Variants in DLG2 observed in about 807,000 individuals in gnomAD.
DLG2 encodes disks large homolog 2.
In DLG2, 45 loss-of-function variants were observed where a neutral mutation model predicts 132.5. The observed-to-expected ratio is 0.34, with a 90% confidence interval of 0.27 to 0.44. The LOEUF is 0.44. DLG2 is among the 20% of genes least tolerant of loss of function. The pLI is 1.00. For missense variants in DLG2, 1,045 were observed against 1,196.9 expected (o/e 0.87, Z 1.87); for synonymous variants, 424 against 419.6 (o/e 1.01, Z -0.13).
intron 5 of DLG2, among the ~76,000 whole-genome samples, chr11:85,113,784 C>G (rs978079478): frequency 6.6e-6 from 1 of 151,950 alleles, no homozygotes; most frequent in African/African-American, 2.4e-5. Context: ...AGAGCCAAAT[C>G]TACCCAAAGA....
intron 6 of DLG2, among the ~76,000 whole-genome samples, chr11:85,044,454 A>T (rs1419981673): frequency 6.6e-6 from 1 of 151,996 alleles, no homozygotes; most frequent in African/African-American, 2.4e-5. Context: ...TCATAATTAT[A>T]ATTGGCTCTC....
chr11:83,723,890 A>G (rs185181157), intron 18 of DLG2, among the ~76,000 whole-genome samples: 1 of 152,314 alleles, frequency 6.6e-6, no homozygotes, highest in East Asian at 1.9e-4. Context: ...AATAAAAAGC[A>G]TGAACCTCAG....
Position 83,902,795 on chromosome 11 carries a change from T to C in DLG2, c.1496+27533A>G, listed in dbSNP as rs79327665. Among the ~76,000 whole-genome samples the C allele has an allele frequency of 4.4e-4, 67 of 152,182 alleles. No individual in the cohort carries two copies. In the East Asian group the frequency reaches 0.011, roughly 25 times the overall value. Reference sequence around the variant, plus strand: ...AGATTCAGTTTCCTGCCCCTGAGGATAAAAAAGCAGGGTATGGGGAACTGG... The same window carrying C: ...AGATTCAGTTTCCTGCCCCTGAGGACAAAAAAGCAGGGTATGGGGAACTGG... On this transcript the variant is annotated intron_variant, in intron 15 of 27. Coordinates refer to ENST00000376104, the MANE Select transcript of DLG2 (RefSeq NM_001142699.3).
intron 22 of DLG2, among the ~76,000 whole-genome samples, chr11:83,482,045 G>A (rs2093157491): frequency 1.3e-5 from 2 of 151,940 alleles, no homozygotes; most frequent in Non-Finnish European, 2.9e-5. Context: ...AGATAATGCT[G>A]AAATCAATAT....
At chr11:84,972,312 T>C (rs1185279503) in intron 6 of DLG2, among the ~76,000 whole-genome samples, 1 of 151,404 alleles carries the variant, frequency 6.6e-6, no homozygotes, top group Non-Finnish European at 1.5e-5. Context: ...GTCTTTCCTA[T>C]AAAAAAAAAC....
At chr11:84,657,347 G>T (rs567064598) in intron 6 of DLG2, among the ~76,000 whole-genome samples, 1 of 152,254 alleles carries the variant, frequency 6.6e-6, no homozygotes, top group African/African-American at 2.4e-5. Context: ...CAGAAATGCT[G>T]TAAGGAGCCA....
intron 6 of DLG2, among the ~76,000 whole-genome samples, chr11:84,587,049 G>T (rs1345627695): frequency 2.0e-5 from 3 of 152,084 alleles, no homozygotes; most frequent in Admixed American, 2.0e-4. Context: ...ATATCTTATT[G>T]TTCACTGCTC....
chr11:83,962,321 G>C (rs776136274), intron 14 of DLG2, among the ~76,000 whole-genome samples: 1 of 152,030 alleles, frequency 6.6e-6, no homozygotes, highest in African/African-American at 2.4e-5. Context: ...GTAAGAACAT[G>C]GAGAAGGTAT....
intron 7 of DLG2, among the ~76,000 whole-genome samples, chr11:84,368,513 A>T (rs1319025590): frequency 1.3e-5 from 2 of 152,086 alleles, no homozygotes; most frequent in Non-Finnish European, 2.9e-5. Context: ...TTTAAAGCAA[A>T]TTGCTCATTC....
intron 4 of DLG2, among the ~76,000 whole-genome samples, chr11:85,261,270 A>G (rs564698716): frequency 6.6e-6 from 1 of 152,248 alleles, no homozygotes; most frequent in African/African-American, 2.4e-5. Context: ...ATTTGGGAAC[A>G]GAATGTTGTG....
intron 18 of DLG2, among the ~76,000 whole-genome samples, chr11:83,655,804 T>C (rs538826920): frequency 6.6e-6 from 1 of 152,220 alleles, no homozygotes; most frequent in Non-Finnish European, 1.5e-5. Context: ...CAAATTCATA[T>C]CCAAAAGGAC....
chr11:84,626,847 A>ACATTTTATTTTATTTATTTTATT (rs373094154), intron 6 of DLG2, among the ~76,000 whole-genome samples: 2 of 144,012 alleles, frequency 1.4e-5, no homozygotes, highest in African/African-American at 5.2e-5. Flanking sequence ...CATCAATTAC[A>ACATTTTATTTTATTTATTTTATT]TATTTTATTT....
chr11:84,486,034 TC>T (rs1164828057), intron 7 of DLG2, among the ~76,000 whole-genome samples: 1 of 152,124 alleles, frequency 6.6e-6, no homozygotes, highest in Non-Finnish European at 1.5e-5. Context: ...TTTCTGTGCT[TC>T]GATCTGGGAG....
At chr11:83,513,231 G>A (rs1389535892) in intron 21 of DLG2, among the ~76,000 whole-genome samples, 3 of 152,160 alleles carry the variant, frequency 2.0e-5, no homozygotes, top group Non-Finnish European at 4.4e-5. Flanking sequence ...ATTCTAACTG[G>A]TGTGAGATGG....
At chr11:83,956,781 G>A (rs537991868) in intron 14 of DLG2, among the ~76,000 whole-genome samples, 1 of 152,332 alleles carries the variant, frequency 6.6e-6, no homozygotes, top group South Asian at 2.1e-4. Flanking sequence ...ACTCTGATGA[G>A]GTGTTGTCTG....
chr11:84,106,765 A>G (rs1425823498), intron 9 of DLG2, among the ~76,000 whole-genome samples: 1 of 151,540 alleles, frequency 6.6e-6, no homozygotes, highest in Non-Finnish European at 1.5e-5. Flanking sequence ...AGACCAAAGA[A>G]CTCCTGAGAA....
At chr11:85,307,159 C>T (rs930028450) in intron 3 of DLG2, among the ~76,000 whole-genome samples, 3 of 152,204 alleles carry the variant, frequency 2.0e-5, no homozygotes, top group South Asian at 2.1e-4. Context: ...AAGGCATGTG[C>T]TCCACAAACA....
chr11:85,360,512 C>T (rs2084061891), intron 3 of DLG2, among the ~76,000 whole-genome samples: 1 of 152,162 alleles, frequency 6.6e-6, no homozygotes, highest in Non-Finnish European at 1.5e-5. Flanking sequence ...GTTCATCCTC[C>T]TCATAGCTGT....
chr11:83,644,373 T>C (rs2067499750), intron 18 of DLG2, among the ~76,000 whole-genome samples: 1 of 152,084 alleles, frequency 6.6e-6, no homozygotes, highest in Admixed American at 6.6e-5. Context: ...ACTAAAATAA[T>C]TTTCAATTTT....
Sources: allele counts gnomAD v4.1 joint callset (sites outside exome capture counted in the v4.1 genomes callset), GRCh38; gene constraint gnomAD v4.1.1; transcripts MANE v1.5; gene names NCBI Gene and HGNC (gene_info 2026-07-23, HGNC 2026-07-21).